The following SAMD12 variants were observed in gnomAD, a reference collection of about 807,000 sequenced individuals.
The protein encoded by SAMD12 is sterile alpha motif domain containing 12, also known as sterile alpha motif domain-containing protein 12.
In SAMD12, 9 loss-of-function variants were observed where a neutral mutation model predicts 15.0. The ratio of observed to expected loss-of-function variants is 0.60; its 90% CI spans 0.36 to 1.05. The LOEUF is 1.05. SAMD12 is among the 50% of genes least tolerant of loss of function. The pLI, the probability that SAMD12 is intolerant of heterozygous loss-of-function variation, is 0.01. For missense variants in SAMD12, 230 were observed against 234.2 expected, an observed-to-expected ratio of 0.98 and a Z score of 0.12; for synonymous variants, 86 against 90.1, an observed-to-expected ratio of 0.96 and a Z score of 0.25.
intron 4 of SAMD12, among the ~76,000 whole-genome samples, chr8:118,301,731 G>A (rs542682372): frequency 3.9e-5 from 6 of 152,302 alleles, no homozygotes; most frequent in Admixed American, 3.3e-4. Context: ...CTCCTGAACA[G>A]AAGTGATCCA....
At chr8:118,542,971 G>A (rs1826025752) in intron 2 of SAMD12, among the ~76,000 whole-genome samples, 1 of 151,912 alleles carries the variant, frequency 6.6e-6, no homozygotes, top group Non-Finnish European at 1.5e-5. Flanking sequence ...AGAGGGAATG[G>A]AAGAAGTGAA....
chr8:118,424,454 A>T (rs1822156357), intron 3 of SAMD12, among the ~76,000 whole-genome samples: 1 of 152,204 alleles, frequency 6.6e-6, no homozygotes, highest in Non-Finnish European at 1.5e-5. Flanking sequence ...ACACACCGTG[A>T]ATAATGAATG....
At chr8:118,220,929 G>T (rs751866840) in intron 4 of SAMD12, among the ~76,000 whole-genome samples, 6 of 152,152 alleles carry the variant, frequency 3.9e-5, no homozygotes, top group Non-Finnish European at 7.3e-5. Context: ...GGCAGGAGGG[G>T]TGGGGGACAT....
chr8:118,453,525 A>T lies in SAMD12; in HGVS notation c.193-13564T>A, dbSNP rs541446654. ...ATGCAATGTTAGAGTATTTGGGGGTATTTATTTATCTTTGAGACAGGGTCT... is the reference window on the plus strand; with the variant it reads ...ATGCAATGTTAGAGTATTTGGGGGTTTTTATTTATCTTTGAGACAGGGTCT... On this transcript the variant is annotated intron_variant, in intron 2 of 3. Coordinates refer to ENST00000314727, the MANE Select transcript of SAMD12 (RefSeq NM_207506.3). 9.2e-5 allele frequency among the ~76,000 whole-genome samples: 14 copies of T among 152,142 alleles called. No individual in the cohort carries two copies. In the South Asian group the frequency reaches 1.5e-3, roughly 16 times the overall value.
chr8:118,605,765 A>AATAT (rs55785102), intron 1 of SAMD12, among the ~76,000 whole-genome samples: 1 of 127,596 alleles, frequency 7.8e-6, no homozygotes, highest in Non-Finnish European at 1.6e-5. Context: ...AACCCATCAC[A>AATAT]ATATATATAT....
chr8:118,534,918 T>A (rs11774341), intron 2 of SAMD12, among the ~76,000 whole-genome samples: 67,993 of 152,018 alleles, frequency 0.45, 15,364 homozygotes, highest in Admixed American at 0.48. Context: ...GAAGTTTGTT[T>A]TTACTGATAT....
chr8:118,200,267 TCC>T (rs35403567), intron 4 of SAMD12, among the ~76,000 whole-genome samples: 1 of 151,884 alleles, frequency 6.6e-6, no homozygotes, highest in Non-Finnish European at 1.5e-5. Flanking sequence ...CTTAGGTGTG[TCC>T]CCCTCTAGTG....
chr8:118,555,801 T>G (rs970020969), intron 2 of SAMD12, among the ~76,000 whole-genome samples: 1 of 152,210 alleles, frequency 6.6e-6, no homozygotes, highest in African/African-American at 2.4e-5. Context: ...TCAGAAAGTA[T>G]TTATTATACT....
chr8:118,591,403 A>G (rs1213837589), intron 1 of SAMD12, among the ~76,000 whole-genome samples: 1 of 152,146 alleles, frequency 6.6e-6, no homozygotes, highest in African/African-American at 2.4e-5. Flanking sequence ...ATATTACCCT[A>G]TTTTTTACAC....
At chr8:118,157,519 AC>A in the SAMD12 span, among the ~76,000 whole-genome samples, 1 of 152,178 alleles carries the variant, frequency 6.6e-6, no homozygotes, top group Non-Finnish European at 1.5e-5. Context: ...CATGTGAAAA[AC>A]ATTTATATTA....
chr8:118,219,517 G>C (rs1485539365), intron 4 of SAMD12, among the ~76,000 whole-genome samples: 2 of 152,324 alleles, frequency 1.3e-5, no homozygotes, highest in Non-Finnish European at 2.9e-5. Context: ...CTCCCAGTGA[G>C]AGATGGGGGT....
chr8:118,570,121 T>C (rs1826967081), intron 2 of SAMD12, among the ~76,000 whole-genome samples: 1 of 152,156 alleles, frequency 6.6e-6, no homozygotes, highest in African/African-American at 2.4e-5. Flanking sequence ...TGAATAGAGC[T>C]TGCAGAGGAG....
At chr8:118,200,926 C>A (rs1020666958) in intron 4 of SAMD12, among the ~76,000 whole-genome samples, 1 of 152,134 alleles carries the variant, frequency 6.6e-6, no homozygotes, top group Admixed American at 6.5e-5. Context: ...CTCAAGTGAT[C>A]CCCTCACTTC....
At chr8:118,430,492 A>G (rs1236028111) in intron 3 of SAMD12, among the ~76,000 whole-genome samples, 1 of 151,954 alleles carries the variant, frequency 6.6e-6, no homozygotes, top group Non-Finnish European at 1.5e-5. Context: ...CCTCCCGAGT[A>G]GCTGGGACTA....
intron 4 of SAMD12, chr8:118,284,784 T>G (rs980050456): frequency 6.4e-6 from 1 of 156,164 alleles, no homozygotes; most frequent in Non-Finnish European, 1.4e-5. Context: ...CTACTAAAAA[T>G]ACAAAAAATT....
the SAMD12 span, among the ~76,000 whole-genome samples, chr8:118,152,652 C>T: frequency 6.6e-6 from 1 of 152,130 alleles, no homozygotes. Context: ...GCGTGCACCA[C>T]CAAACCTGGC....
chr8:118,612,955 T>A (rs1828143096), intron 1 of SAMD12, among the ~76,000 whole-genome samples: 1 of 152,190 alleles, frequency 6.6e-6, no homozygotes, highest in East Asian at 1.9e-4. Context: ...AGGACTCAAA[T>A]GGCAACACAG....
chr8:118,219,281 A>G (rs912012163), intron 4 of SAMD12, among the ~76,000 whole-genome samples: 26 of 152,344 alleles, frequency 1.7e-4, no homozygotes, highest in African/African-American at 6.3e-4. Flanking sequence ...CCTAGAGGAG[A>G]GAGACTATGC....
At chr8:118,318,557 GA>G (rs1449664340) in intron 4 of SAMD12, among the ~76,000 whole-genome samples, 1 of 151,646 alleles carries the variant, frequency 6.6e-6, no homozygotes, top group African/African-American at 2.4e-5. Flanking sequence ...AAGAACTTTG[GA>G]GACTCAGGAT....
Sources: allele counts gnomAD v4.1 joint callset (sites outside exome capture counted in the v4.1 genomes callset), GRCh38; gene constraint gnomAD v4.1.1; transcripts MANE v1.5; gene names NCBI Gene and HGNC (gene_info 2026-07-23, HGNC 2026-07-21).